SIAH3: variants seen among roughly 807,000 people sequenced by gnomAD.
SIAH3 encodes the protein siah E3 ubiquitin protein ligase family member 3, also known as seven in absentia homolog 3.
In SIAH3, 9 loss-of-function variants were observed where a neutral mutation model predicts 12.6. The observed-to-expected ratio is 0.72, with a 90% CI of 0.43 to 1.25. The LOEUF (loss-of-function observed/expected upper bound fraction) is 1.25, where lower values mean the gene tolerates loss of function less well. Ranked by LOEUF, SIAH3 falls within the 50% of genes most tolerant of loss-of-function variation. The pLI is 0.00. For synonymous variants in SIAH3, 154 were observed against 151.1 expected (o/e 1.02, Z -0.14); for missense variants, 390 against 365.4 (o/e 1.07, Z -0.55).
At chr13:45,833,902 G>A (rs9526114) in intron 1 of SIAH3, among the ~76,000 whole-genome samples, 71,870 of 151,770 alleles carry the variant, frequency 0.47, 17,483 homozygotes, top group Admixed American at 0.61. Flanking sequence ...CAATCAATCA[G>A]GAGTTTTCCT....
At chr13:45,792,071 A>G (rs1248976418) in intron 1 of SIAH3, among the ~76,000 whole-genome samples, 1 of 152,206 alleles carries the variant, frequency 6.6e-6, no homozygotes, top group African/African-American at 2.4e-5. Context: ...CACACTCTGC[A>G]TAAGTGCGAT....
At chr13:45,789,302 T>G (rs1355416246) in intron 1 of SIAH3, among the ~76,000 whole-genome samples, 1 of 152,230 alleles carries the variant, frequency 6.6e-6, no homozygotes, top group Non-Finnish European at 1.5e-5. Context: ...GTCTGCAATT[T>G]CCTTTAAAAT....
intron 1 of SIAH3, among the ~76,000 whole-genome samples, chr13:45,846,408 G>C (rs1019792919): frequency 5.3e-5 from 8 of 152,230 alleles, no homozygotes; most frequent in Middle Eastern, 3.4e-3. Context: ...CTAACTTCTA[G>C]TCTCAATTTT....
Position 45,783,951 on chromosome 13 carries a change from A to T in SIAH3, c.242T>A (p.Leu81His). 1 of 1,601,382 alleles carries T rather than the reference A, an allele frequency of 6.2e-7. No homozygotes were observed. Among genetic ancestry groups the T allele is most frequent in the Non-Finnish European group, 8.5e-7 (1 of 1,172,756 alleles). Residue 81 changes from leucine (L) to histidine (H), a missense_variant, in exon 2 of 2, where the codon CTC (leucine) becomes CAC (histidine). Leu to His is a moderately conservative substitution (Grantham distance 99). Transcript: ENST00000400405. ...HHCHHRHHHHLRHHAHPHHLH... is the reference protein window; with the variant it reads ...HHCHHRHHHHHRHHAHPHHLH... ...GTGGTGGGGGTGGGCGTGGTGGCGGAGGTGGTGGTGGTGGCGGTGGTGGCA... is the reference window on the plus strand; with the variant it reads ...GTGGTGGGGGTGGGCGTGGTGGCGGTGGTGGTGGTGGTGGCGGTGGTGGCA...
chr13:45,826,524 A>G (rs1442120916), intron 1 of SIAH3, among the ~76,000 whole-genome samples: 3 of 147,596 alleles, frequency 2.0e-5, no homozygotes, highest in Non-Finnish European at 4.5e-5. Context: ...TGGATCAATC[A>G]ATAGCGTTCT....
At chr13:45,847,396 C>T (rs185584602) in intron 1 of SIAH3, among the ~76,000 whole-genome samples, 38 of 152,282 alleles carry the variant, frequency 2.5e-4, no homozygotes, top group Admixed American at 2.2e-3. Flanking sequence ...AAGGTGGGCA[C>T]ACATCTCACA....
At chr13:45,804,953 T>A (rs1950593653) in intron 1 of SIAH3, among the ~76,000 whole-genome samples, 2 of 140,042 alleles carry the variant, frequency 1.4e-5, no homozygotes, top group Non-Finnish European at 1.5e-5. Flanking sequence ...AAGAACTCAA[T>A]CCCATTTATA....
At chr13:45,811,519 G>A (rs554223902) in intron 1 of SIAH3, among the ~76,000 whole-genome samples, 6 of 152,196 alleles carry the variant, frequency 3.9e-5, no homozygotes, top group East Asian at 1.9e-4. Context: ...CTGGAATGCC[G>A]TGGTATGATC....
intron 1 of SIAH3, among the ~76,000 whole-genome samples, chr13:45,815,722 C>T (rs1467917377): frequency 2.6e-5 from 4 of 152,178 alleles, no homozygotes; most frequent in Non-Finnish European, 5.9e-5. Flanking sequence ...GTTGTTCACT[C>T]CATGATGTGA....
chr13:45,789,427 G>A (rs1950539070), intron 1 of SIAH3, among the ~76,000 whole-genome samples: 1 of 150,070 alleles, frequency 6.7e-6, no homozygotes, highest in South Asian at 2.1e-4. Context: ...TATATGTTGA[G>A]ACAGAGTCTC....
intron 1 of SIAH3, among the ~76,000 whole-genome samples, chr13:45,797,355 G>T (rs1369965586): frequency 1.3e-5 from 2 of 152,092 alleles, no homozygotes; most frequent in Non-Finnish European, 2.9e-5. Flanking sequence ...CCTGCCGCTT[G>T]GGTGACCTCT....
chr13:45,784,619 G>A (rs897489535), intron 1 of SIAH3, among the ~76,000 whole-genome samples: 18 of 152,168 alleles, frequency 1.2e-4, no homozygotes, highest in African/African-American at 3.9e-4. Context: ...AGAGCTGATC[G>A]TGTGCACTGG....
intron 1 of SIAH3, among the ~76,000 whole-genome samples, chr13:45,843,032 C>CTGTGTGGGTGTGTGTGTGTGTG (rs746384493): frequency 7.9e-6 from 1 of 126,902 alleles, no homozygotes; most frequent in South Asian, 2.8e-4. Flanking sequence ...CTCTCTCTCT[C>CTGTGTGGGTGTGTGTGTGTGTG]TCTGTGTGTG....
At chr13:45,826,020 G>A (rs1950673350) in intron 1 of SIAH3, among the ~76,000 whole-genome samples, 1 of 152,126 alleles carries the variant, frequency 6.6e-6, no homozygotes, top group Non-Finnish European at 1.5e-5. Context: ...GCCTCTGTCT[G>A]GAAGGCGTTT....
chr13:45,850,938 C>CACACACACAT (rs1274260077), intron 1 of SIAH3, among the ~76,000 whole-genome samples: 1 of 151,358 alleles, frequency 6.6e-6, no homozygotes, highest in African/African-American at 2.4e-5. Flanking sequence ...CACACACACA[C>CACACACACAT]ACACACACAC....
intron 1 of SIAH3, among the ~76,000 whole-genome samples, chr13:45,812,200 C>T (rs962407500): frequency 5.3e-5 from 8 of 152,214 alleles, no homozygotes; most frequent in African/African-American, 1.7e-4. Flanking sequence ...GATGTAGGTC[C>T]AAGTGTGCTC....
intron 1 of SIAH3, 107 bp downstream of exon 1, chr13:45,851,388 G>T: frequency 6.8e-7 from 1 of 1,464,282 alleles, no homozygotes; most frequent in South Asian, 1.2e-5. Flanking sequence ...CAGCCCCCGA[G>T]ACCCGGGTTT....
intron 1 of SIAH3, among the ~76,000 whole-genome samples, chr13:45,794,019 C>G (rs866878344): frequency 6.6e-5 from 10 of 152,078 alleles, no homozygotes; most frequent in African/African-American, 1.7e-4. Flanking sequence ...CAAGGAACAC[C>G]TGGACCCACT....
intron 1 of SIAH3, among the ~76,000 whole-genome samples, chr13:45,786,999 T>C (rs1428457857): frequency 6.6e-6 from 1 of 151,892 alleles, no homozygotes; most frequent in African/African-American, 2.4e-5. Context: ...AGATGGGAGG[T>C]CAAAGTAGCA....
Sources: allele counts gnomAD v4.1 joint callset (sites outside exome capture counted in the v4.1 genomes callset), GRCh38; gene constraint gnomAD v4.1.1; transcripts MANE v1.5; gene names NCBI Gene and HGNC (gene_info 2026-07-23, HGNC 2026-07-21).